Variants in EDA observed in about 807,000 individuals in gnomAD.
The protein encoded by EDA is ectodysplasin A, also known as ectodysplasin-A.
In EDA, 2 loss-of-function variants were observed where a neutral mutation model predicts 23.6. The ratio of observed to expected loss-of-function variants is 0.08; its 90% CI spans 0.03 to 0.27. The LOEUF (loss-of-function observed/expected upper bound fraction) is 0.27. EDA is among the 10% of genes least tolerant of loss of function. EDA has a pLI of 1.00. For missense variants in EDA, 229 were observed against 324.2 expected (o/e 0.71, Z 2.26); for synonymous variants, 131 against 132.0 (o/e 0.99, Z 0.05).
rs1444447321 is a variant in EDA, at chrX:70,037,112, C to A, written c.*1503C>A. 8.9e-6 allele frequency: 1 copy of A among 112,605 alleles called. No homozygotes were observed. The highest frequency in any genetic ancestry group is 3.2e-5 in the African/African-American group (1 of 30,968). 9.3% of individuals were successfully genotyped at this position (112,605 alleles called of 1,213,427 possible). Reference sequence around the variant, plus strand: ...CCTGGTTTCTGGGTGCTAGATCCAGCCCAAACCTGGGAAGGCCAGCCTTGT... The same window carrying A: ...CCTGGTTTCTGGGTGCTAGATCCAGACCAAACCTGGGAAGGCCAGCCTTGT... On this transcript the variant is annotated 3_prime_UTR_variant, in exon 8 of 8. Coordinates refer to ENST00000374552, the MANE Select transcript of EDA (RefSeq NM_001399.5).
intron 2 of EDA, among the ~76,000 whole-genome samples, chrX:69,970,437 A>C (rs964817594): frequency 8.9e-6 from 1 of 112,135 alleles, no homozygotes; most frequent in Non-Finnish European, 1.9e-5. Context: ...GAATAGTACT[A>C]ATTTATTTCT....
At chrX:69,772,526 C>T (rs1266656260) in intron 1 of EDA, among the ~76,000 whole-genome samples, 2 of 110,718 alleles carry the variant, frequency 1.8e-5, no homozygotes, top group African/African-American at 6.6e-5. Flanking sequence ...GGTACATGTG[C>T]AGGTTTGTTT....
intron 1 of EDA, among the ~76,000 whole-genome samples, chrX:69,677,636 G>C (rs1336349338): frequency 8.9e-6 from 1 of 112,007 alleles, no homozygotes; most frequent in Non-Finnish European, 1.9e-5. Flanking sequence ...CTTTTGAGAA[G>C]TGTCTGTTCA....
chrX:69,645,594 G>GTGTATATATATA (rs1932905834), intron 1 of EDA, among the ~76,000 whole-genome samples: 10 of 50,043 alleles, frequency 2.0e-4, no homozygotes, highest in African/African-American at 3.7e-4. Context: ...TTATATATAT[G>GTGTATATATATA]TGTGTGTGTA....
At chrX:69,948,781 A>G (rs767847956) in intron 1 of EDA, among the ~76,000 whole-genome samples, 23 of 112,480 alleles carry the variant, frequency 2.0e-4, no homozygotes, top group Non-Finnish European at 3.8e-4. Context: ...TAAGTACTCA[A>G]TGTTTATTCA....
At chrX:69,673,269 T>A (rs1347466940) in intron 1 of EDA, among the ~76,000 whole-genome samples, 2 of 111,682 alleles carry the variant, frequency 1.8e-5, no homozygotes, top group Admixed American at 9.5e-5. Context: ...GAAGGGTCAG[T>A]AAACTAGAGG....
At chrX:69,954,355 A>G (rs2018969414) in intron 1 of EDA, among the ~76,000 whole-genome samples, 1 of 111,156 alleles carries the variant, frequency 9.0e-6, no homozygotes, top group South Asian at 3.9e-4. Flanking sequence ...GAAGTAGCAC[A>G]CCTCCTCCAA....
intron 2 of EDA, among the ~76,000 whole-genome samples, chrX:69,996,334 CTTCTAT>C (rs1361669369): frequency 3.6e-5 from 4 of 111,936 alleles, no homozygotes; most frequent in African/African-American, 1.3e-4. Flanking sequence ...GTGTTACTCA[CTTCTAT>C]TTCTGTCTAT....
intron 1 of EDA, among the ~76,000 whole-genome samples, chrX:69,855,217 T>C: frequency 8.9e-6 from 1 of 112,076 alleles, no homozygotes; most frequent in Non-Finnish European, 1.9e-5. Context: ...CTTTGTCAGA[T>C]GCATGGTTTG....
rs375453307 is a variant in EDA, at chrX:69,807,923, G to A, written c.397-149104G>A. Among the ~76,000 whole-genome samples the A allele has an allele frequency of 8.9e-5, 10 of 111,752 alleles. No homozygotes were observed. The South Asian group carries it at 3.7e-3, about 42-fold the overall frequency. ...CCAGGGACCTTGAATAAATTACTTA[G>A]TATCTCTGAACTTAAATTTCCTCAA... On this transcript the variant is annotated intron_variant, in intron 1 of 7. Coordinates refer to ENST00000374552, the MANE Select transcript of EDA (RefSeq NM_001399.5).
At chrX:69,623,378 G>A (rs184759441) in intron 1 of EDA, among the ~76,000 whole-genome samples, 64 of 111,691 alleles carry the variant, frequency 5.7e-4, no homozygotes, top group African/African-American at 1.9e-3. Context: ...GTATCCTCAC[G>A]TGGTGGAAGG....
At chrX:69,726,912 T>G (rs1261195343) in intron 1 of EDA, among the ~76,000 whole-genome samples, 2 of 112,411 alleles carry the variant, frequency 1.8e-5, no homozygotes, top group Non-Finnish European at 3.8e-5. Flanking sequence ...TTTTAGCAGT[T>G]GCCATCTGCA....
At chrX:69,874,815 A>G (rs1327374653) in intron 1 of EDA, among the ~76,000 whole-genome samples, 1 of 112,263 alleles carries the variant, frequency 8.9e-6, no homozygotes, top group Non-Finnish European at 1.9e-5. Flanking sequence ...AATGTACACA[A>G]ATCAGTAGGT....
intron 6 of EDA, among the ~76,000 whole-genome samples, chrX:70,032,637 C>T (rs1001573894): frequency 3.6e-5 from 4 of 111,595 alleles, no homozygotes; most frequent in Non-Finnish European, 7.5e-5. Context: ...AGGAGTGTGA[C>T]TGCCCCCTCC....
rs2015881094 is a variant in EDA at position 69,809,074 on chromosome X, G to C, written c.397-147953G>C. Among the ~76,000 whole-genome samples, 4 of 111,540 alleles carry C rather than the reference G, an allele frequency of 3.6e-5. No homozygotes were observed. The South Asian group carries it at 1.5e-3, about 42-fold the overall frequency. On this transcript the variant is annotated intron_variant, in intron 1 of 7. Coordinates refer to ENST00000374552, the MANE Select transcript of EDA (RefSeq NM_001399.5). Reference sequence around the variant, plus strand: ...TATTTTAACCTGATGGTGGTGGTGGGGAGGTCCATGGGGTACCATTTGTCA... The same window carrying C: ...TATTTTAACCTGATGGTGGTGGTGGCGAGGTCCATGGGGTACCATTTGTCA...
chrX:70,016,745 C>A (rs949563576), intron 2 of EDA, among the ~76,000 whole-genome samples: 1 of 111,341 alleles, frequency 9.0e-6, no homozygotes, highest in Non-Finnish European at 1.9e-5. Context: ...ACTAGATGCC[C>A]ACATCAAAAA....
chrX:69,676,772 A>G (rs1042496297), intron 1 of EDA, among the ~76,000 whole-genome samples: 2 of 111,154 alleles, frequency 1.8e-5, no homozygotes, highest in Non-Finnish European at 3.8e-5. Context: ...TCTTGGATTC[A>G]AGGCCCTCCA....
At chrX:69,718,872 T>C (rs2012456240) in intron 1 of EDA, among the ~76,000 whole-genome samples, 1 of 111,967 alleles carries the variant, frequency 8.9e-6, no homozygotes, top group African/African-American at 3.2e-5. Flanking sequence ...TTGTTAAAGT[T>C]TATGTTAATT....
intron 1 of EDA, among the ~76,000 whole-genome samples, chrX:69,656,769 A>G (rs1257885736): frequency 9.0e-6 from 1 of 111,617 alleles, no homozygotes; most frequent in Non-Finnish European, 1.9e-5. Flanking sequence ...CTGTTCCTGC[A>G]TTAGTTTGCT....
Sources: allele counts gnomAD v4.1 joint callset (sites outside exome capture counted in the v4.1 genomes callset), GRCh38; gene constraint gnomAD v4.1.1; transcripts MANE v1.5; gene names NCBI Gene and HGNC (gene_info 2026-07-23, HGNC 2026-07-21).